Variants in GSE1 observed in about 807,000 individuals in gnomAD.
The protein encoded by GSE1 is genetic suppressor element 1.
Under a neutral mutation model 112.6 loss-of-function variants are expected in GSE1, and 32 were observed. The ratio of observed to expected loss-of-function variants is 0.28; its 90% CI spans 0.21 to 0.38. GSE1 has a LOEUF of 0.38. Ranked by LOEUF, GSE1 falls within the 10% of genes least tolerant of loss-of-function variation. GSE1 has a pLI of 1.00. For missense variants in GSE1, 2,348 were observed against 1,699.2 expected (o/e 1.38, Z -6.71); for synonymous variants, 1,115 against 735.6 (o/e 1.52, Z -8.35).
chr16:85,516,874 T>G (rs2051962887), intron 2 of GSE1, among the ~76,000 whole-genome samples: 1 of 150,152 alleles, frequency 6.7e-6, no homozygotes, highest in Non-Finnish European at 1.5e-5. Context: ...CTCCACTTAC[T>G]GCAAGCTCCG....
intron 1 of GSE1, among the ~76,000 whole-genome samples, chr16:85,198,308 G>A (rs935112288): frequency 6.6e-6 from 1 of 152,184 alleles, no homozygotes. Context: ...CTCTACGGAC[G>A]AGGTCAACAG....
At chr16:85,600,983 A>C (rs1359267936) in intron 1 of GSE1, among the ~76,000 whole-genome samples, 1 of 150,150 alleles carries the variant, frequency 6.7e-6, no homozygotes, top group East Asian at 1.9e-4. Context: ...CGGTGGGAGG[A>C]GGGAAGGTCG....
chr16:85,579,438 G>A (rs537423513), intron 1 of GSE1, among the ~76,000 whole-genome samples: 1 of 152,352 alleles, frequency 6.6e-6, no homozygotes, highest in East Asian at 1.9e-4. Context: ...TTTCCGCAGA[G>A]TAATTATGTC....
chr16:85,631,785 G>T (rs1598457237), intron 1 of GSE1, among the ~76,000 whole-genome samples: 1 of 152,250 alleles, frequency 6.6e-6, no homozygotes, highest in African/African-American at 2.4e-5. Context: ...GGCCCTGACA[G>T]GCAAAGTAAC....
chr16:85,179,262 C>T (rs2074532579), intron 1 of GSE1, among the ~76,000 whole-genome samples: 1 of 152,160 alleles, frequency 6.6e-6, no homozygotes, highest in East Asian at 1.9e-4. Context: ...CTAATTCGTG[C>T]CTTTTTGTGA....
chr16:85,601,602 C>T (rs538707542), intron 1 of GSE1, among the ~76,000 whole-genome samples: 64 of 152,236 alleles, frequency 4.2e-4, no homozygotes, highest in African/African-American at 1.4e-3. Flanking sequence ...GGGCCACAGG[C>T]GGCTGACTAA....
At chr16:85,565,816 C>T (rs891954367) in intron 1 of GSE1, among the ~76,000 whole-genome samples, 1 of 152,204 alleles carries the variant, frequency 6.6e-6, no homozygotes, top group African/African-American at 2.4e-5. Flanking sequence ...AGGAGGGACC[C>T]TGGGTCTCGG....
intron 1 of GSE1, among the ~76,000 whole-genome samples, chr16:85,190,023 C>T (rs1469256813): frequency 6.6e-6 from 1 of 152,178 alleles, no homozygotes; most frequent in Non-Finnish European, 1.5e-5. Flanking sequence ...CACTTGTCAC[C>T]TATCTTGTTC....
At chr16:85,367,636 G>A (rs1321194507) in intron 2 of GSE1, among the ~76,000 whole-genome samples, 1 of 152,062 alleles carries the variant, frequency 6.6e-6, no homozygotes, top group African/African-American at 2.4e-5. Flanking sequence ...GCATATGCAA[G>A]GGCCCCGGGG....
chr16:85,489,974 C>T (rs1261348018), intron 2 of GSE1: 1 of 152,210 alleles, frequency 6.6e-6, no homozygotes, highest in East Asian at 1.9e-4. Context: ...GAAGGACCTA[C>T]CTCCTTTAGA....
chr16:85,214,288 C>G (rs549941101), intron 1 of GSE1, among the ~76,000 whole-genome samples: 2 of 152,320 alleles, frequency 1.3e-5, no homozygotes, highest in East Asian at 1.9e-4. Context: ...TGAGTGTGAC[C>G]TTGTTTGGAA....
chr16:85,325,327 G>A (rs945513482), intron 1 of GSE1, among the ~76,000 whole-genome samples: 1 of 152,170 alleles, frequency 6.6e-6, no homozygotes, highest in Admixed American at 6.5e-5. Context: ...GGGCCTGGAC[G>A]GGCACTGTGT....
At position 85,656,651 on chromosome 16, in the gene GSE1, C is replaced by T. The variant is rs1188749931; in HGVS notation, c.1298C>T (p.Thr433Ile). The T allele has an allele frequency of 2.0e-6, 3 of 1,522,396 alleles. No homozygotes were observed. Among genetic ancestry groups the T allele is most frequent in the African/African-American group, 1.4e-5 (1 of 72,428 alleles). 94.3% of individuals were successfully genotyped at this position (1,522,396 alleles called of 1,614,324 possible). Residue 433 changes from threonine to isoleucine, a missense_variant, in exon 7 of 16, where the codon ACC (threonine) becomes ATC (isoleucine). Coordinates refer to ENST00000253458, the MANE Select transcript of GSE1 (RefSeq NM_014615.5). ...EERGKPSEQL[T>I]PTRAEKLKDA... ...CGGGGCAAGCCCTCGGAGCAGCTGA[C>T]CCCAACCCGAGCAGGTACCTGGGCG...
In GSE1 at chr16:85,170,860, C is replaced by T; in HGVS notation, c.1336C>T (p.Arg446Ter). ...GCTGGCCAACGTGCCAGTCCTGCAG[C>T]GACTCTATGTGGTGCCCCTGGACAG... The change falls in exon 1 of 3, where the codon CGA becomes TGA. Residue 446 changes from arginine to a stop codon, truncating the protein, a stop_gained. Transcript: ENST00000637419. LOFTEE classifies it high-confidence loss of function. 2 of 985,574 alleles carry T rather than the reference C, an allele frequency of 2.0e-6. No individual in the cohort carries two copies. Among genetic ancestry groups the T allele is most frequent in the Non-Finnish European group, 2.4e-6 (2 of 830,034 alleles). The allele number at this position is 985,574 out of a possible 1,614,324, so 61.1% of individuals were successfully genotyped here.
chr16:85,313,222 A>C (rs554834647), intron 1 of GSE1, among the ~76,000 whole-genome samples: 89 of 152,184 alleles, frequency 5.8e-4, no homozygotes, highest in Non-Finnish European at 9.3e-4. Context: ...CGGGGGCAGC[A>C]CCTGCGTGGG....
intron 2 of GSE1, among the ~76,000 whole-genome samples, chr16:85,408,655 C>T (rs80355012): frequency 1.9e-5 from 1 of 51,680 alleles, no homozygotes; most frequent in African/African-American, 1.0e-4. Flanking sequence ...TTAGGGCCCC[C>T]CGGATAATCC....
chr16:85,378,096 G>A (rs141195810), intron 2 of GSE1, among the ~76,000 whole-genome samples: 9 of 152,056 alleles, frequency 5.9e-5, no homozygotes, highest in East Asian at 3.9e-4. Context: ...CCCATCCCCC[G>A]CCACCACCCG....
intron 1 of GSE1, among the ~76,000 whole-genome samples, chr16:85,237,623 G>A (rs934057928): frequency 2.6e-5 from 4 of 151,976 alleles, no homozygotes; most frequent in Admixed American, 1.3e-4. Context: ...CAGATCACGC[G>A]GTCAGGAGAT....
chr16:85,523,242 G>C (rs982643252), intron 2 of GSE1, among the ~76,000 whole-genome samples: 2 of 146,464 alleles, frequency 1.4e-5, no homozygotes, highest in African/African-American at 5.4e-5. Context: ...TGTTGTGTGC[G>C]TGTGACTGTG....
Sources: allele counts gnomAD v4.1 joint callset (sites outside exome capture counted in the v4.1 genomes callset), GRCh38; gene constraint gnomAD v4.1.1; transcripts MANE v1.5; gene names NCBI Gene and HGNC (gene_info 2026-07-23, HGNC 2026-07-21).